The following IL34 variants were observed in gnomAD, a reference collection of about 807,000 sequenced individuals.
IL34 encodes interleukin-34.
A neutral mutation model predicts 25.3 loss-of-function variants in IL34; 17 were observed. The ratio of observed to expected loss-of-function variants is 0.67; its 90% CI spans 0.46 to 1.01. The LOEUF (loss-of-function observed/expected upper bound fraction) is 1.01. Among genes scored for constraint, IL34 ranks in the 50% least tolerant of loss-of-function variants. The pLI is 0.00. For missense variants in IL34, 368 were observed against 312.9 expected (o/e 1.18, Z -1.33); for synonymous variants, 174 against 140.9 (o/e 1.23, Z -1.66).
chr16:70,598,198 C>T (rs192143064), intron 1 of IL34, among the ~76,000 whole-genome samples: 1 of 152,084 alleles, frequency 6.6e-6, no homozygotes, highest in Admixed American at 6.6e-5. Flanking sequence ...TGGCATGGCT[C>T]AAACCGTCTG....
intron 1 of IL34, among the ~76,000 whole-genome samples, chr16:70,635,709 A>G (rs929606049): frequency 2.0e-5 from 3 of 152,252 alleles, no homozygotes; most frequent in African/African-American, 7.2e-5. Context: ...GTGCAAAAAC[A>G]ACAGCAAAAG....
intron 1 of IL34, among the ~76,000 whole-genome samples, chr16:70,580,264 C>T (rs928219855): frequency 1.3e-5 from 2 of 152,206 alleles, no homozygotes; most frequent in African/African-American, 2.4e-5. Context: ...AATTTTTAAC[C>T]TTTGCCTTCA....
chr16:70,599,617 C>T (rs556914460), intron 1 of IL34, among the ~76,000 whole-genome samples: 86 of 150,976 alleles, frequency 5.7e-4, no homozygotes, highest in Non-Finnish European at 1.1e-3. Context: ...TTCAGGTGAT[C>T]GCCCGCCTCG....
At chr16:70,622,387 G>T (rs1298048992) in intron 1 of IL34, among the ~76,000 whole-genome samples, 4 of 152,020 alleles carry the variant, frequency 2.6e-5, no homozygotes, top group African/African-American at 9.7e-5. Context: ...TCCCTGAGGA[G>T]TAGTAGAACA....
At chr16:70,653,780 G>C (rs1037211595) in intron 1 of IL34, among the ~76,000 whole-genome samples, 1 of 152,198 alleles carries the variant, frequency 6.6e-6, no homozygotes, top group Non-Finnish European at 1.5e-5. Context: ...GCCTACTTCT[G>C]TTTTATTCTT....
rs1323273256 is a variant in IL34, at chr16:70,660,393, G to A, written c.*206G>A. On this transcript the variant is annotated 3_prime_UTR_variant, in exon 6 of 6. Coordinates refer to ENST00000288098, the MANE Select transcript of IL34 (RefSeq NM_001393494.1). ...AGCTGTCATGGCCTCACCTGGAGCGGAGGGGACCTGGGGACCTGAAGGTGG... is the reference window on the plus strand; with the variant it reads ...AGCTGTCATGGCCTCACCTGGAGCGAAGGGGACCTGGGGACCTGAAGGTGG... 4 of 513,126 alleles carry A rather than the reference G, an allele frequency of 7.8e-6. No individual in the cohort carries two copies. The highest frequency in any genetic ancestry group is 1.3e-5 in the Non-Finnish European group (4 of 298,336). The allele number at this position is 513,126 out of a possible 1,614,324, so 31.8% of individuals were successfully genotyped here. A position where few individuals can be genotyped will look rare whatever the true frequency, so the allele number is the denominator to read the frequency against.
chr16:70,625,067 T>A (rs2051361999), intron 1 of IL34, among the ~76,000 whole-genome samples: 1 of 152,086 alleles, frequency 6.6e-6, no homozygotes, highest in South Asian at 2.1e-4. Flanking sequence ...GATGGAAAAA[T>A]TCAAAGTGCC....
intron 1 of IL34, among the ~76,000 whole-genome samples, chr16:70,581,058 C>A (rs1011513075): frequency 1.3e-5 from 2 of 151,658 alleles, no homozygotes; most frequent in Non-Finnish European, 2.9e-5. Context: ...ATTACAGGCA[C>A]CCGCTACCAC....
intron 1 of IL34, among the ~76,000 whole-genome samples, chr16:70,633,929 C>T (rs2051578694): frequency 6.6e-6 from 1 of 152,010 alleles, no homozygotes; most frequent in South Asian, 2.1e-4. Context: ...TGGCTCACTG[C>T]AACCTCCGCC....
chr16:70,618,957 G>A (rs1323404203), intron 1 of IL34, among the ~76,000 whole-genome samples: 1 of 152,168 alleles, frequency 6.6e-6, no homozygotes, highest in Non-Finnish European at 1.5e-5. Context: ...GCATGTTTGA[G>A]ATGTAGAACA....
intron 1 of IL34, chr16:70,653,969 T>C (rs1425541375): frequency 6.6e-6 from 1 of 152,240 alleles, no homozygotes; most frequent in South Asian, 2.1e-4. Context: ...AAGTATGAGA[T>C]CTGCTTAACG....
chr16:70,654,637 A>G lies in IL34; in HGVS notation c.128A>G (p.Asp43Gly). The change falls in exon 2 of 6, where the codon GAC becomes GGC. Residue 43 changes from aspartate (D) to glycine (G), a missense_variant. Coordinates refer to ENST00000288098, the MANE Select transcript of IL34 (RefSeq NM_001393494.1). ...TGCACTGTCACGGGTTTTCTGCGGG[A>G]CAAGCTGCAGTACAGGAGCCGACTT... ...EECTVTGFLR[D>G]KLQYRSRLQY... The G allele has an allele frequency of 1.2e-6, 2 of 1,613,074 alleles. No homozygotes were observed. Among genetic ancestry groups the G allele is most frequent in the Non-Finnish European group, 1.7e-6 (2 of 1,179,290 alleles).
At chr16:70,621,955 G>T (rs1165959549) in intron 1 of IL34, among the ~76,000 whole-genome samples, 2 of 151,968 alleles carry the variant, frequency 1.3e-5, no homozygotes, top group Non-Finnish European at 2.9e-5. Flanking sequence ...GGGGGGCAGG[G>T]CATATTCACT....
chr16:70,647,129 G>A (rs1022543610), intron 1 of IL34, among the ~76,000 whole-genome samples, 154 bp downstream of exon 1: 7 of 152,224 alleles, frequency 4.6e-5, no homozygotes, highest in Non-Finnish European at 8.8e-5. Context: ...TCCCACGGCC[G>A]CCGTCTGCCC....
At chr16:70,595,737 C>T (rs2050812735) in intron 1 of IL34, among the ~76,000 whole-genome samples, 1 of 151,766 alleles carries the variant, frequency 6.6e-6, no homozygotes, top group African/African-American at 2.4e-5. Flanking sequence ...TCCGGCTGGG[C>T]GTGGTGGCTC....
intron 1 of IL34, among the ~76,000 whole-genome samples, chr16:70,640,140 GTTTTC>G (rs921067520): frequency 2.0e-5 from 3 of 151,974 alleles, no homozygotes; most frequent in South Asian, 2.1e-4. Context: ...TTTTTGTTTT[GTTTTC>G]TTTTGTTTTG....
At chr16:70,619,183 A>G (rs1253518455) in intron 1 of IL34, among the ~76,000 whole-genome samples, 1 of 152,192 alleles carries the variant, frequency 6.6e-6, no homozygotes, top group Non-Finnish European at 1.5e-5. Flanking sequence ...ACAGGCTTTA[A>G]TCTTTTTAAA....
At chr16:70,612,363 T>C (rs904779719) in intron 1 of IL34, among the ~76,000 whole-genome samples, 2 of 151,816 alleles carry the variant, frequency 1.3e-5, no homozygotes, top group Admixed American at 6.6e-5. Context: ...GAATGGTGAG[T>C]ATGGTGCAGA....
chr16:70,653,189 G>A (rs950332095), intron 1 of IL34, among the ~76,000 whole-genome samples: 2 of 151,922 alleles, frequency 1.3e-5, no homozygotes, highest in Admixed American at 6.6e-5. Flanking sequence ...CTCTAGCCTG[G>A]GTGACAGAGA....
Sources: gnomAD v4.1 joint callset for allele counts (sites outside exome capture counted in the v4.1 genomes callset) on GRCh38, gnomAD v4.1.1 for gene constraint, MANE v1.5 for transcripts, NCBI Gene and HGNC (gene_info 2026-07-23, HGNC 2026-07-21) for gene names.